Variants in FGF1 observed in about 807,000 individuals in gnomAD.
FGF1 encodes the protein fibroblast growth factor 1, also known as beta-endothelial cell growth factor.
In FGF1, 9 loss-of-function variants were observed where a neutral mutation model predicts 13.4. That is an observed-to-expected ratio of 0.67 (90% CI 0.40 to 1.17). FGF1 has a LOEUF of 1.17. FGF1 is among the 50% of genes most tolerant of loss of function. The pLI, the probability that FGF1 is intolerant of heterozygous loss-of-function variation, is 0.01. For missense variants in FGF1, 156 were observed against 192.7 expected (o/e 0.81, Z 1.13); for synonymous variants, 93 against 79.0 (o/e 1.18, Z -0.94).
intron 1 of FGF1, among the ~76,000 whole-genome samples, chr5:142,677,550 G>A (rs1171809535): frequency 6.6e-6 from 1 of 152,254 alleles, no homozygotes; most frequent in Non-Finnish European, 1.5e-5. Flanking sequence ...GGAACTGCAA[G>A]AGGCCAGCCC....
intron 1 of FGF1, among the ~76,000 whole-genome samples, chr5:142,650,693 A>G (rs1259262658): frequency 1.3e-5 from 2 of 151,578 alleles, no homozygotes; most frequent in African/African-American, 2.4e-5. Flanking sequence ...CACACACACT[A>G]TGTATACTGT....
At chr5:142,670,676 C>A (rs1374853374) in intron 1 of FGF1, among the ~76,000 whole-genome samples, 1 of 152,208 alleles carries the variant, frequency 6.6e-6, no homozygotes, top group Non-Finnish European at 1.5e-5. Flanking sequence ...AAAAACCCCA[C>A]AAAAACCTGA....
chr5:142,651,681 T>G (rs1767277132), intron 1 of FGF1, among the ~76,000 whole-genome samples: 1 of 152,202 alleles, frequency 6.6e-6, no homozygotes, highest in Non-Finnish European at 1.5e-5. Flanking sequence ...TGAAAACCAC[T>G]GATATTTTTA....
chr5:142,693,412 C>G (rs1266206587), intron 2 of FGF1, among the ~76,000 whole-genome samples: 1 of 152,154 alleles, frequency 6.6e-6, no homozygotes, highest in East Asian at 1.9e-4. Flanking sequence ...CTGCCTCAGC[C>G]TCCCGAGTAG....
At chr5:142,655,279 C>T (rs1259745328) in intron 1 of FGF1, among the ~76,000 whole-genome samples, 1 of 152,182 alleles carries the variant, frequency 6.6e-6, no homozygotes, top group Non-Finnish European at 1.5e-5. Context: ...TTAACACTGC[C>T]TAGGTATCAC....
chr5:142,612,878 G>A (rs1759377556), intron 2 of FGF1, among the ~76,000 whole-genome samples: 2 of 152,144 alleles, frequency 1.3e-5, no homozygotes, highest in Non-Finnish European at 1.5e-5. Flanking sequence ...CAGCGAAGTG[G>A]TCATTTGTTC....
At chr5:142,694,451 C>G (rs1009914034) in intron 2 of FGF1, among the ~76,000 whole-genome samples, 1 of 152,176 alleles carries the variant, frequency 6.6e-6, no homozygotes, top group African/African-American at 2.4e-5. Context: ...ATCAAAGAAA[C>G]AAGATACACT....
At chr5:142,668,887 G>C (rs1032326932) in intron 1 of FGF1, among the ~76,000 whole-genome samples, 1 of 151,914 alleles carries the variant, frequency 6.6e-6, no homozygotes, top group Non-Finnish European at 1.5e-5. Flanking sequence ...GCCAAGGGCT[G>C]GGGGGATGGA....
chr5:142,676,919 AAAC>A (rs58320203), intron 1 of FGF1, among the ~76,000 whole-genome samples: 214 of 151,632 alleles, frequency 1.4e-3, no homozygotes, highest in African/African-American at 4.4e-3. Flanking sequence ...ACAAAAAACA[AAAC>A]AACAACAACA....
intron 1 of FGF1, among the ~76,000 whole-genome samples, chr5:142,627,746 GCTAGC>G (rs1762703244): frequency 6.6e-6 from 1 of 152,242 alleles, no homozygotes; most frequent in Non-Finnish European, 1.5e-5. Context: ...TTGCCCCAGT[GCTAGC>G]CTTCAAGGGC....
At chr5:142,655,619 A>T (rs1163793253) in intron 1 of FGF1, among the ~76,000 whole-genome samples, 1 of 152,232 alleles carries the variant, frequency 6.6e-6, no homozygotes, top group Admixed American at 6.5e-5. Context: ...CAGATCTAAG[A>T]AGGGTGTTTT....
intron 1 of FGF1, among the ~76,000 whole-genome samples, chr5:142,646,271 C>G (rs1401029832): frequency 7.9e-6 from 1 of 126,344 alleles, no homozygotes; most frequent in Non-Finnish European, 1.6e-5. Context: ...GGCTGGAGTG[C>G]AGTGGTGCAA....
chr5:142,618,929 G>GTTTTTTTTTTTT (rs869093279), intron 1 of FGF1, among the ~76,000 whole-genome samples: 1 of 61,250 alleles, frequency 1.6e-5, no homozygotes, highest in Non-Finnish European at 2.9e-5. Flanking sequence ...TAGTTGTTTT[G>GTTTTTTTTTTTT]TTTTTTTTTT....
intron 1 of FGF1, among the ~76,000 whole-genome samples, chr5:142,678,211 C>G (rs1436370082): frequency 1.3e-5 from 2 of 152,172 alleles, no homozygotes; most frequent in African/African-American, 4.8e-5. Context: ...CACCACTCTC[C>G]CTTACAGTAT....
At chr5:142,607,802 C>T (rs1758018938) in intron 2 of FGF1, among the ~76,000 whole-genome samples, 1 of 152,182 alleles carries the variant, frequency 6.6e-6, no homozygotes, top group Non-Finnish European at 1.5e-5. Context: ...GTCCCATGCT[C>T]ATTATTTAAA....
intron 1 of FGF1, among the ~76,000 whole-genome samples, chr5:142,625,972 T>C (rs749594641): frequency 6.6e-6 from 1 of 152,208 alleles, no homozygotes; most frequent in Non-Finnish European, 1.5e-5. Context: ...GTTATCTCTT[T>C]AGAAATGCTG....
intron 3 of FGF1, among the ~76,000 whole-genome samples, chr5:142,597,605 T>C (rs1239925826): frequency 6.6e-6 from 1 of 152,236 alleles, no homozygotes; most frequent in East Asian, 1.9e-4. Flanking sequence ...ACAGGTATAT[T>C]AAAACACTTA....
chr5:142,667,784 C>A (rs1770712842), intron 1 of FGF1, among the ~76,000 whole-genome samples: 2 of 152,132 alleles, frequency 1.3e-5, no homozygotes, highest in South Asian at 4.1e-4. Flanking sequence ...CCTCCAGGCT[C>A]CCTGGGGCTA....
intron 1 of FGF1, among the ~76,000 whole-genome samples, chr5:142,648,107 A>C (rs1375100476): frequency 1.3e-5 from 2 of 151,992 alleles, no homozygotes; most frequent in African/African-American, 4.8e-5. Context: ...ACAACAACAA[A>C]ACTTGGATTT....
Sources: allele counts gnomAD v4.1 joint callset (sites outside exome capture counted in the v4.1 genomes callset), GRCh38; gene constraint gnomAD v4.1.1; transcripts MANE v1.5; gene names NCBI Gene and HGNC (gene_info 2026-07-23, HGNC 2026-07-21).